NCR2: variants seen among roughly 807,000 people sequenced by gnomAD.
The protein encoded by NCR2 is NK cell activating receptor (NKp44).
In NCR2, 35 loss-of-function variants were observed where a neutral mutation model predicts 30.7. The observed-to-expected ratio is 1.14, with a 90% CI of 0.87 to 1.51. NCR2 has a LOEUF of 1.51. Ranked by LOEUF, NCR2 falls within the 40% of genes most tolerant of loss-of-function variation. NCR2 has a pLI of 0.00. For missense variants in NCR2, 316 were observed against 328.9 expected, an observed-to-expected ratio of 0.96 and a Z score of 0.30; for synonymous variants, 146 against 134.8, an observed-to-expected ratio of 1.08 and a Z score of -0.58.
intron 4 of NCR2, among the ~76,000 whole-genome samples, chr6:41,349,195 A>G (rs1769375880): frequency 6.8e-6 from 1 of 147,492 alleles, no homozygotes; most frequent in South Asian, 2.1e-4. Flanking sequence ...TGCATATATT[A>G]TCATGTATAT....
At chr6:41,339,273 C>A (rs1769111945) in intron 2 of NCR2, among the ~76,000 whole-genome samples, 1 of 151,810 alleles carries the variant, frequency 6.6e-6, no homozygotes, top group South Asian at 2.1e-4. Context: ...TATTGGTCAG[C>A]CTGGTCTTGA....
intron 4 of NCR2, among the ~76,000 whole-genome samples, chr6:41,347,388 T>C (rs1016292641): frequency 5.9e-5 from 9 of 152,182 alleles, no homozygotes; most frequent in Non-Finnish European, 1.0e-4. Context: ...CAAGGGCCCA[T>C]GAAAGGACTG....
At chr6:41,342,660 A>G (rs2114057905) in intron 4 of NCR2, among the ~76,000 whole-genome samples, 1 of 152,246 alleles carries the variant, frequency 6.6e-6, no homozygotes, top group East Asian at 1.9e-4. Context: ...GCCCAAGTCC[A>G]GGGACTCCCT....
intron 2 of NCR2, among the ~76,000 whole-genome samples, chr6:41,336,772 C>T (rs1047231810): frequency 6.6e-6 from 1 of 152,014 alleles, no homozygotes; most frequent in African/African-American, 2.4e-5. Flanking sequence ...CACTGGCTGC[C>T]CCCACCATGT....
intron 1 of NCR2, 39 bp downstream of exon 1, chr6:41,335,967 G>A (rs200225391): frequency 4.4e-6 from 7 of 1,576,968 alleles, no homozygotes; most frequent in African/African-American, 2.7e-5. Context: ...GAGGAGATGG[G>A]TGTGGTGGGG....
At chr6:41,345,891 C>A (rs758247674) in intron 4 of NCR2, among the ~76,000 whole-genome samples, 6 of 152,160 alleles carry the variant, frequency 3.9e-5, no homozygotes, top group Non-Finnish European at 8.8e-5. Context: ...GCCTGTTCTC[C>A]GAGGACAATG....
At chr6:41,349,761 T>C (rs906591289) in intron 4 of NCR2, among the ~76,000 whole-genome samples, 1 of 152,178 alleles carries the variant, frequency 6.6e-6, no homozygotes, top group Admixed American at 6.5e-5. Flanking sequence ...TCTGAGGTCT[T>C]AACAAAGGAT....
At position 41,335,903 on chromosome 6, in the gene NCR2, G is replaced by A. The variant is rs946959858; in HGVS notation, c.27G>A (p.Leu9=). MAWRALHP[L]LLLLLLFPGS... is the part of the protein sequence containing the mutation. ...TGGCCTGGCGAGCCCTACACCCACT[G>A]CTACTGCTGCTGCTGCTGTTCCCAG... Residue 9 remains leucine (L), a synonymous_variant, in exon 1 of 5, where the codon CTG becomes CTA. Transcript: ENST00000373089. 1.3e-6 allele frequency: 2 copies of A among 1,570,794 alleles called. No individual in the cohort carries two copies. The highest frequency in any genetic ancestry group is 4.7e-5 in the East Asian group (2 of 42,682).
chr6:41,336,445 G>C lies in NCR2; in HGVS notation c.394+17G>C. 1 of 1,602,064 alleles carries C rather than the reference G, an allele frequency of 6.2e-7. No individual in the cohort carries two copies. Among genetic ancestry groups the C allele is most frequent in the South Asian group, 1.1e-5 (1 of 90,472 alleles). ...TATCTCCAGGTGAGCTCTTTCCCTA[G>C]GGTCCTCAGAGGGGTGCCCCTCACC... On this transcript the variant is annotated intron_variant, in intron 2 of 4. Coordinates refer to ENST00000373089, the MANE Select transcript of NCR2 (RefSeq NM_004828.4).
At chr6:41,345,833 G>A (rs536021568) in intron 4 of NCR2, among the ~76,000 whole-genome samples, 1 of 152,146 alleles carries the variant, frequency 6.6e-6, no homozygotes, top group Non-Finnish European at 1.5e-5. Context: ...ACAAGCTCCT[G>A]TATGCTCAGC....
rs756231739 is a variant in NCR2, at chr6:41,341,930, G to A, written c.530+1G>A. 1 of 1,613,776 alleles carries A rather than the reference G, an allele frequency of 6.2e-7. No individual in the cohort carries two copies. The highest frequency in any genetic ancestry group is 2.2e-5 in the East Asian group (1 of 44,878). ...CATCTACCATCCCTGTCCCTTCACAGTGAGTTTCGGGGTGCCCGTAGCCAC... is the reference window on the plus strand; with the variant it reads ...CATCTACCATCCCTGTCCCTTCACAATGAGTTTCGGGGTGCCCGTAGCCAC... On this transcript the variant is annotated splice_donor_variant, in intron 3 of 4. Transcript: ENST00000373089. LOFTEE classifies it high-confidence loss of function.
At chr6:41,337,763 G>A (rs188821823) in intron 2 of NCR2, among the ~76,000 whole-genome samples, 8 of 152,244 alleles carry the variant, frequency 5.3e-5, no homozygotes, top group East Asian at 3.9e-4. Flanking sequence ...GGAAGCAAGC[G>A]ATGCTGTAAT....
At chr6:41,343,542 C>T (rs573212342) in intron 4 of NCR2, among the ~76,000 whole-genome samples, 4 of 152,244 alleles carry the variant, frequency 2.6e-5, no homozygotes, top group Non-Finnish European at 5.9e-5. Flanking sequence ...TTTATCTGAG[C>T]AAAGAACGAT....
chr6:41,350,673 T>C lies in NCR2; in HGVS notation c.645-5T>C, dbSNP rs767401288. On this transcript the variant is annotated splice_region_variant and splice_polypyrimidine_tract_variant and intron_variant, in intron 4 of 4. Transcript: ENST00000373089. Reference sequence around the variant, plus strand: ...CACCTTCCTGGTTTCCTGCTCTGATTGCAGGGGGGACATATGGTGGAAAAC... The same window carrying C: ...CACCTTCCTGGTTTCCTGCTCTGATCGCAGGGGGGACATATGGTGGAAAAC... The C allele has an allele frequency of 3.1e-6, 5 of 1,612,168 alleles. No homozygotes were observed. The Admixed American group carries it at 5.0e-5, about 16-fold the overall frequency.
At chr6:41,337,354 T>C (rs1769058240) in intron 2 of NCR2, among the ~76,000 whole-genome samples, 1 of 152,222 alleles carries the variant, frequency 6.6e-6, no homozygotes, top group Non-Finnish European at 1.5e-5. Flanking sequence ...TTTGAAAGTG[T>C]GCCTAAAGGT....
rs996254141 is a variant in NCR2 at position 41,342,295 on chromosome 6, C to T, written c.644+146C>T. Reference sequence around the variant, plus strand: ...TCCAAATTAAAGCCCTCATGGAGTCCATCCATCTGACATGTCACACAGGCT... The same window carrying T: ...TCCAAATTAAAGCCCTCATGGAGTCTATCCATCTGACATGTCACACAGGCT... On this transcript the variant is annotated intron_variant, in intron 4 of 4. Coordinates refer to ENST00000373089, the MANE Select transcript of NCR2 (RefSeq NM_004828.4). The T allele has an allele frequency of 5.4e-6, 6 of 1,115,510 alleles. No homozygotes were observed. The Admixed American group carries it at 1.6e-4, about 30-fold the overall frequency. 69.1% of individuals were successfully genotyped at this position (1,115,510 alleles called of 1,614,324 possible).
At chr6:41,347,260 C>A (rs1769323729) in intron 4 of NCR2, among the ~76,000 whole-genome samples, 3 of 152,186 alleles carry the variant, frequency 2.0e-5, no homozygotes, top group African/African-American at 7.2e-5. Context: ...CTCTCTCCTG[C>A]ATCATCTTCC....
At chr6:41,337,566 G>A (rs1769064693) in intron 2 of NCR2, among the ~76,000 whole-genome samples, 1 of 152,140 alleles carries the variant, frequency 6.6e-6, no homozygotes, top group Non-Finnish European at 1.5e-5. Flanking sequence ...TTCCTAATCT[G>A]AGAACTATTT....
rs1247360676 is a variant in NCR2 at position 41,335,673 on chromosome 6, T to C, written c.-204T>C. On this transcript the variant is annotated 5_prime_UTR_variant, in exon 1 of 5. Transcript: ENST00000373089. ...AGCGCCGAGCCCACCAGACCCAGAC[T>C]CACCTACAGCTGGAGATCCCCACTT... The C allele has an allele frequency of 4.8e-6, 3 of 626,648 alleles. No individual in the cohort carries two copies. The African/African-American group carries it at 5.5e-5, about 11-fold the overall frequency. 38.8% of individuals were successfully genotyped at this position (626,648 alleles called of 1,614,324 possible).
Sources: gnomAD v4.1 joint callset for allele counts (sites outside exome capture counted in the v4.1 genomes callset) on GRCh38, gnomAD v4.1.1 for gene constraint, MANE v1.5 for transcripts, NCBI Gene and HGNC (gene_info 2026-07-23, HGNC 2026-07-21) for gene names.